The following SPRED2 variants were observed in gnomAD, a reference collection of about 807,000 sequenced individuals.
SPRED2 encodes sprouty related EVH1 domain containing 2.
SPRED2 carries 47 observed loss-of-function variants against 43.0 expected under a neutral mutation model. The observed-to-expected ratio is 1.09, with a 90% CI of 0.87 to 1.40. SPRED2 has a LOEUF of 1.40. Among genes scored for constraint, SPRED2 ranks in the 40% most tolerant of loss-of-function variants. The probability of loss-of-function intolerance (pLI) is 0.00; values close to 1 mark genes in which losing one functional copy is unlikely to be tolerated. For missense variants in SPRED2, 561 were observed against 586.4 expected (o/e 0.96, Z 0.45); for synonymous variants, 225 against 225.7 (o/e 1.00, Z 0.03).
chr2:65,394,507 C>T (rs1018187557), intron 1 of SPRED2, among the ~76,000 whole-genome samples: 1 of 152,216 alleles, frequency 6.6e-6, no homozygotes, highest in South Asian at 2.1e-4. Context: ...CTGAGGAACA[C>T]ATACTTTATG....
chr2:65,356,532 CCCTCTT>C (rs1558666437), intron 1 of SPRED2, among the ~76,000 whole-genome samples: 18 of 52,468 alleles, frequency 3.4e-4, no homozygotes, highest in African/African-American at 8.4e-4. Flanking sequence ...TTCCCCAGTT[CCCTCTT>C]TTTTTTTTTT....
chr2:65,345,029 C>T (rs1242294755), intron 1 of SPRED2, 133 bp from the exon 2 acceptor site: 1 of 795,270 alleles, frequency 1.3e-6, no homozygotes, highest in Non-Finnish European at 1.9e-6. Context: ...TTGGCGGCAA[C>T]CTTAAAAAGT....
chr2:65,346,737 C>T (rs1407513057), intron 1 of SPRED2, among the ~76,000 whole-genome samples: 1 of 152,172 alleles, frequency 6.6e-6, no homozygotes, highest in African/African-American at 2.4e-5. Context: ...CTTGCCACTG[C>T]TGCAGACTAT....
At chr2:65,377,376 T>C (rs916558033) in intron 1 of SPRED2, among the ~76,000 whole-genome samples, 1 of 152,204 alleles carries the variant, frequency 6.6e-6, no homozygotes, top group Non-Finnish European at 1.5e-5. Context: ...GAATGATGCA[T>C]ACGTGGTAGC....
chr2:65,411,904 G>T (rs1676169293), intron 1 of SPRED2, among the ~76,000 whole-genome samples: 1 of 152,052 alleles, frequency 6.6e-6, no homozygotes, highest in South Asian at 2.1e-4. Flanking sequence ...GAGGCAGGCG[G>T]ATCACAAGGT....
At chr2:65,316,611 G>T in intron 5 of SPRED2, 123 bp downstream of exon 5, 1 of 1,193,416 alleles carries the variant, frequency 8.4e-7, no homozygotes. Context: ...ATGAAGTGGG[G>T]GTAAAGGCAG....
intron 4 of SPRED2, among the ~76,000 whole-genome samples, chr2:65,323,769 G>A (rs1014254666): frequency 2.6e-5 from 4 of 151,930 alleles, no homozygotes; most frequent in Non-Finnish European, 4.4e-5. Context: ...CCAGCTACTC[G>A]GGAGGCTGAG....
In SPRED2 at chr2:65,330,996, G is replaced by GAA. The variant is rs11422797; in HGVS notation, c.438+989_438+990dup. ...ATAAAAAATGGAAGAAAATGAAACA[G>GAA]AAAAAAAATCAGAATGCAGAGGATG... On this transcript the variant is annotated intron_variant, in intron 4 of 5. Coordinates refer to ENST00000356388, the MANE Select transcript of SPRED2 (RefSeq NM_181784.3). Among the ~76,000 whole-genome samples, 772 of 151,906 alleles carry GAA rather than the reference G, an allele frequency of 5.1e-3. 30 individuals carry two copies. Among genetic ancestry groups the GAA allele is most frequent in the Admixed American group, 0.046 (705 of 15,258 alleles).
At chr2:65,362,634 G>A (rs1209724810) in intron 1 of SPRED2, among the ~76,000 whole-genome samples, 2 of 152,040 alleles carry the variant, frequency 1.3e-5, no homozygotes, top group African/African-American at 2.4e-5. Context: ...CAAGGTGGGT[G>A]GATAACCTGA....
chr2:65,428,120 G>A (rs535834217), intron 1 of SPRED2, among the ~76,000 whole-genome samples: 15 of 152,342 alleles, frequency 9.8e-5, no homozygotes, highest in African/African-American at 3.6e-4. Context: ...ATCTGAAAAT[G>A]AAGCTCAGCC....
chr2:65,332,397 G>C (rs571290303), intron 3 of SPRED2: 1 of 180,328 alleles, frequency 5.5e-6, no homozygotes, highest in East Asian at 1.6e-4. Context: ...CCTCTGTAGT[G>C]ACCTTGAGGT....
At chr2:65,372,007 A>T (rs376253964) in intron 1 of SPRED2, among the ~76,000 whole-genome samples, 13 of 152,086 alleles carry the variant, frequency 8.5e-5, no homozygotes, top group African/African-American at 3.1e-4. Context: ...CGGGAAGCAG[A>T]GGTTGCAGTG....
rs755031639 is a variant in SPRED2 at position 65,316,780 on chromosome 2, C to T, written c.542G>A (p.Gly181Asp). The change falls in exon 5 of 6, where the codon GGC becomes GAC. Residue 181 changes from glycine (G) to aspartate (D), a missense_variant. Physicochemically the swap from Gly to Asp is moderately conservative, Grantham distance 94 (BLOSUM62 -1). Transcript: ENST00000356388. Reference protein sequence around the residue: ...SCEHRRIYTLGHLHDSYPTDH... With the variant: ...SCEHRRIYTLDHLHDSYPTDH... ...TGTGGGGTATGAGTCGTGGAGGTGG[C>T]CCAGGGTATAAATCCTCCGGTGCTC... The T allele has an allele frequency of 1.2e-6, 2 of 1,612,798 alleles. No homozygotes were observed. The highest frequency in any genetic ancestry group is 1.7e-6 in the Non-Finnish European group (2 of 1,179,628).
intron 1 of SPRED2, chr2:65,377,736 G>C (rs1419557133): frequency 6.4e-6 from 3 of 470,838 alleles, no homozygotes; most frequent in Non-Finnish European, 1.3e-5. Context: ...CCTTCCATCA[G>C]AACACAAGTC....
intron 4 of SPRED2, among the ~76,000 whole-genome samples, chr2:65,327,930 G>A (rs531519703): frequency 6.6e-5 from 10 of 151,564 alleles, no homozygotes; most frequent in East Asian, 3.9e-4. Context: ...CACCATGTTG[G>A]CCAGGCTGGT....
intron 1 of SPRED2, among the ~76,000 whole-genome samples, chr2:65,345,991 T>C (rs1674338981): frequency 6.6e-6 from 1 of 152,218 alleles, no homozygotes; most frequent in Admixed American, 6.5e-5. Context: ...TTCAAACATA[T>C]ATTTGCGTGT....
At chr2:65,322,933 G>T (rs1283893762) in intron 4 of SPRED2, among the ~76,000 whole-genome samples, 1 of 152,106 alleles carries the variant, frequency 6.6e-6, no homozygotes. Context: ...AACCTTCTTT[G>T]CATTCCTCAG....
chr2:65,366,027 T>C, intron 1 of SPRED2, among the ~76,000 whole-genome samples: 1 of 128,784 alleles, frequency 7.8e-6, no homozygotes, highest in Non-Finnish European at 1.7e-5. Flanking sequence ...TTGTGATTTA[T>C]AAAAACAAAC....
chr2:65,357,550 C>A (rs1479202213), intron 1 of SPRED2, among the ~76,000 whole-genome samples: 1 of 152,130 alleles, frequency 6.6e-6, no homozygotes, highest in Non-Finnish European at 1.5e-5. Flanking sequence ...TTTGAAAGGA[C>A]CTCGTGTGGT....
Sources: allele counts gnomAD v4.1 joint callset (sites outside exome capture counted in the v4.1 genomes callset), GRCh38; gene constraint gnomAD v4.1.1; transcripts MANE v1.5; gene names NCBI Gene and HGNC (gene_info 2026-07-23, HGNC 2026-07-21).